CDK8: variants seen among roughly 807,000 people sequenced by gnomAD.
CDK8 encodes the protein cyclin-dependent kinase 8.
In CDK8, 29 loss-of-function variants were observed where a neutral mutation model predicts 71.5. The ratio of observed to expected loss-of-function variants is 0.41; its 90% CI spans 0.30 to 0.55. The LOEUF is 0.55. CDK8 is among the 20% of genes least tolerant of loss of function. CDK8 has a pLI of 0.37. For missense variants in CDK8, 288 were observed against 572.6 expected (o/e 0.50, Z 5.07); for synonymous variants, 161 against 192.1 (o/e 0.84, Z 1.34).
intron 1 of CDK8, among the ~76,000 whole-genome samples, chr13:26,323,518 T>A (rs897584068): frequency 1.3e-5 from 2 of 152,126 alleles, no homozygotes; most frequent in Non-Finnish European, 2.9e-5. Flanking sequence ...TAGTGCTTCA[T>A]CATATGAAAT....
intron 1 of CDK8, among the ~76,000 whole-genome samples, chr13:26,302,487 A>G (rs1024522308): frequency 1.3e-5 from 2 of 152,186 alleles, no homozygotes; most frequent in African/African-American, 2.4e-5. Flanking sequence ...GCAGCTAAGG[A>G]AATTGGGACC....
chr13:26,254,448 C>A lies in CDK8; in HGVS notation c.-194C>A. The A allele has an allele frequency of 2.2e-6, 1 of 464,208 alleles. No homozygotes were observed. The highest frequency in any genetic ancestry group is 3.8e-6 in the Non-Finnish European group (1 of 259,928). The allele number at this position is 464,208 out of a possible 1,614,324, so 28.8% of individuals were successfully genotyped here. ...CTCCACCCCCGGCCGGCCTCTGCCC[C>A]GCCGTCCCCCTGGATGTCCCTGGCG... On this transcript the variant is annotated 5_prime_UTR_variant, in exon 1 of 13. Transcript: ENST00000381527. This position sits in a 1 kb window ranked among gnomAD's most constrained non-coding sequence, Gnocchi z 6.7.
intron 2 of CDK8, among the ~76,000 whole-genome samples, chr13:26,337,935 T>A (rs1156714450): frequency 6.6e-6 from 1 of 152,090 alleles, no homozygotes; most frequent in Non-Finnish European, 1.5e-5. Context: ...GCAGTAAAAG[T>A]GGCATGTTAG....
At chr13:26,335,915 T>C (rs1286943596) in intron 1 of CDK8, among the ~76,000 whole-genome samples, 1 of 95,428 alleles carries the variant, frequency 1.0e-5, no homozygotes, top group East Asian at 3.3e-4. Context: ...TGATATTCTC[T>C]TGCTTAACAA....
chr13:26,266,265 G>C (rs1208808532), intron 1 of CDK8, among the ~76,000 whole-genome samples: 1 of 152,196 alleles, frequency 6.6e-6, no homozygotes, highest in Non-Finnish European at 1.5e-5. Context: ...GAGGAGTCTG[G>C]CTAGAGTTAG....
At chr13:26,304,711 A>G (rs910226925) in intron 1 of CDK8, among the ~76,000 whole-genome samples, 19 of 152,078 alleles carry the variant, frequency 1.2e-4, no homozygotes, top group Non-Finnish European at 2.2e-4. Flanking sequence ...ATCAGAGTTC[A>G]CTGTAAACTT....
At chr13:26,255,578 T>A (rs1366444734) in intron 1 of CDK8, among the ~76,000 whole-genome samples, 1 of 152,258 alleles carries the variant, frequency 6.6e-6, no homozygotes, top group Non-Finnish European at 1.5e-5. Flanking sequence ...TGTTCATTTT[T>A]TCTCTTTGTC....
chr13:26,398,572 A>C (rs552651521), intron 9 of CDK8, among the ~76,000 whole-genome samples: 1 of 152,340 alleles, frequency 6.6e-6, no homozygotes, highest in East Asian at 1.9e-4. Flanking sequence ...TAGCAAATTC[A>C]GGCCTTTCCT....
intron 1 of CDK8, among the ~76,000 whole-genome samples, chr13:26,313,937 G>A (rs1267185654): frequency 6.6e-6 from 1 of 152,316 alleles, no homozygotes. Context: ...TGGGTAAATG[G>A]TGAACCACAG....
chr13:26,379,826 G>A (rs9512193), intron 4 of CDK8, among the ~76,000 whole-genome samples: 6,690 of 152,192 alleles, frequency 0.044, 222 homozygotes, highest in South Asian at 0.068. Flanking sequence ...GGTAAAGGAG[G>A]GATGGGTGGT....
intron 3 of CDK8, among the ~76,000 whole-genome samples, chr13:26,352,591 T>G (rs1372944324): frequency 6.6e-6 from 1 of 152,212 alleles, no homozygotes; most frequent in African/African-American, 2.4e-5. Flanking sequence ...ACAGCCTAGA[T>G]TATTAAATTG....
rs1258912215 is a variant in CDK8 at position 26,401,976 on chromosome 13, A to G, written c.1269+352A>G. Among the ~76,000 whole-genome samples, 1 of 152,248 alleles carries G rather than the reference A, an allele frequency of 6.6e-6. No individual in the cohort carries two copies. Among genetic ancestry groups the G allele is most frequent in the Non-Finnish European group, 1.5e-5 (1 of 68,044 alleles). On this transcript the variant is annotated intron_variant, in intron 12 of 12. Transcript: ENST00000381527. This position sits in a 1 kb window ranked among gnomAD's most constrained non-coding sequence, Gnocchi z 4.5. ...CATGAAGTGGCTTGACACCTAGCTTATGGTAGGAGCTTGATAGCTATTGTT... is the reference window on the plus strand; with the variant it reads ...CATGAAGTGGCTTGACACCTAGCTTGTGGTAGGAGCTTGATAGCTATTGTT...
chr13:26,313,882 A>G lies in CDK8; in HGVS notation c.129-23685A>G, dbSNP rs28479921. On this transcript the variant is annotated intron_variant, in intron 1 of 12. Transcript: ENST00000381527. ...GGAGAACAGGGATTTGATAGAACTGAATAGATAGATGGAATAAAGGAGAAA... is the reference window on the plus strand; with the variant it reads ...GGAGAACAGGGATTTGATAGAACTGGATAGATAGATGGAATAAAGGAGAAA... Among the ~76,000 whole-genome samples, 978 of 152,300 alleles carry G rather than the reference A, an allele frequency of 6.4e-3. 6 individuals carry two copies. Among genetic ancestry groups the G allele is most frequent in the Middle Eastern group, 0.024 (7 of 294 alleles).
At chr13:26,312,356 A>G (rs538185850) in intron 1 of CDK8, among the ~76,000 whole-genome samples, 1 of 152,228 alleles carries the variant, frequency 6.6e-6, no homozygotes, top group South Asian at 2.1e-4. Flanking sequence ...TCTTCACGAT[A>G]AATCTTGCTG....
At chr13:26,296,011 C>T (rs943184831) in intron 1 of CDK8, among the ~76,000 whole-genome samples, 1 of 152,202 alleles carries the variant, frequency 6.6e-6, no homozygotes, top group Admixed American at 6.5e-5. Flanking sequence ...AGCACTGCAC[C>T]ACAGACGGAT....
intron 6 of CDK8, among the ~76,000 whole-genome samples, chr13:26,388,452 AT>A (rs1162879781): frequency 2.6e-5 from 4 of 152,194 alleles, no homozygotes; most frequent in African/African-American, 9.7e-5. Context: ...ATACACAGAG[AT>A]TTTTTTCCAC....
intron 9 of CDK8, among the ~76,000 whole-genome samples, chr13:26,398,348 C>A (rs980973711): frequency 6.6e-6 from 1 of 152,136 alleles, no homozygotes; most frequent in Non-Finnish European, 1.5e-5. Flanking sequence ...GAAGTCATGA[C>A]TTAGGGGAAT....
chr13:26,313,473 C>T (rs921189568), intron 1 of CDK8, among the ~76,000 whole-genome samples: 14 of 152,042 alleles, frequency 9.2e-5, no homozygotes, highest in Non-Finnish European at 1.5e-4. Context: ...GTAGGGAAGA[C>T]GTGTTTGGGT....
chr13:26,278,107 G>C (rs1191247649), intron 1 of CDK8, among the ~76,000 whole-genome samples: 1 of 152,196 alleles, frequency 6.6e-6, no homozygotes, highest in African/African-American at 2.4e-5. Flanking sequence ...ATTTGGTGGA[G>C]TTGTTGTGGA....
Sources: gnomAD v4.1 joint callset for allele counts (sites outside exome capture counted in the v4.1 genomes callset) on GRCh38, gnomAD v4.1.1 for gene constraint, Gnocchi (gnomAD v3.1) non-coding constraint, MANE v1.5 for transcripts, NCBI Gene and HGNC (gene_info 2026-07-23, HGNC 2026-07-21) for gene names.